Variants in CYP2J2 observed in about 807,000 individuals in gnomAD.
CYP2J2 encodes the protein cytochrome P450 family 2 subfamily J member 2.
Under a neutral mutation model 48.8 loss-of-function variants are expected in CYP2J2, and 41 were observed. The ratio of observed to expected loss-of-function variants is 0.84; its 90% confidence interval spans 0.66 to 1.09. CYP2J2 has a LOEUF of 1.09. CYP2J2 is among the 50% of genes least tolerant of loss of function. The pLI, the probability that CYP2J2 is intolerant of heterozygous loss-of-function variation, is 0.00. For missense variants in CYP2J2, 644 were observed against 617.3 expected, an observed-to-expected ratio of 1.04 and a Z score of -0.46; for synonymous variants, 221 against 227.1, an observed-to-expected ratio of 0.97 and a Z score of 0.24.
chr1:59,953,588 CAAG>C, the CYP2J2 span, among the ~76,000 whole-genome samples: 2 of 151,592 alleles, frequency 1.3e-5, no homozygotes, highest in South Asian at 4.2e-4. Context: ...TAGACATGGC[CAAG>C]AAGATGTGAG....
At position 59,911,633 on chromosome 1, in the gene CYP2J2, T is replaced by C. The variant is rs781317457; in HGVS notation, c.659A>G (p.Tyr220Cys). The C allele has an allele frequency of 1.7e-5, 28 of 1,612,520 alleles. No homozygotes were observed. The highest frequency in any genetic ancestry group is 2.2e-5 in the Non-Finnish European group (26 of 1,179,212). Residue 220 changes from tyrosine (Y) to cysteine (C), a missense_variant, in exon 4 of 9, where the codon TAC becomes TGC. Transcript: ENST00000371204. Reference protein sequence around the residue: ...QLLKLLDEVTYLEASKTCQLY... With the variant: ...QLLKLLDEVTCLEASKTCQLY... ...CTGGCATGTCTTTGAAGCCTCCAAG[T>C]ATGTGACTTCATCTAGTAACTTCAG...
At chr1:59,931,847 T>C in the CYP2J2 span, among the ~76,000 whole-genome samples, 1 of 152,150 alleles carries the variant, frequency 6.6e-6, no homozygotes, top group Non-Finnish European at 1.5e-5. Flanking sequence ...GCAACAATGA[T>C]AATTTCTTAT....
chr1:59,938,766 G>T, the CYP2J2 span, among the ~76,000 whole-genome samples: 8 of 152,168 alleles, frequency 5.3e-5, no homozygotes, highest in Non-Finnish European at 1.2e-4. Flanking sequence ...GTCAGGTCTT[G>T]CCCATCCCAC....
chr1:59,912,572 A>G (rs1351229199), intron 2 of CYP2J2: 2 of 342,372 alleles, frequency 5.8e-6, no homozygotes, highest in East Asian at 1.0e-4. Context: ...AGGTACAATT[A>G]TTACCACCCC....
chr1:59,923,029 G>T (rs1644531623), intron 1 of CYP2J2, among the ~76,000 whole-genome samples: 1 of 152,178 alleles, frequency 6.6e-6, no homozygotes, highest in Non-Finnish European at 1.5e-5. Context: ...AGGAGTCAGA[G>T]GGCAAATTAG....
intron 7 of CYP2J2, among the ~76,000 whole-genome samples, chr1:59,903,693 G>C (rs1291509334): frequency 6.6e-6 from 1 of 152,150 alleles, no homozygotes; most frequent in African/African-American, 2.4e-5. Flanking sequence ...AAAAGAAAGA[G>C]TTCCACTTGT....
At chr1:59,899,428 G>A (rs954362904) in intron 8 of CYP2J2, among the ~76,000 whole-genome samples, 1 of 152,192 alleles carries the variant, frequency 6.6e-6, no homozygotes, top group Non-Finnish European at 1.5e-5. Flanking sequence ...AGCACAGGGG[G>A]AGAGCATGGG....
chr1:59,910,811 A>T (rs1006475033), intron 4 of CYP2J2, among the ~76,000 whole-genome samples: 1 of 152,148 alleles, frequency 6.6e-6, no homozygotes, highest in African/African-American at 2.4e-5. Flanking sequence ...GTGTCTGAGG[A>T]ACCAAGAAAC....
chr1:59,896,514 C>T (rs1441748815), intron 8 of CYP2J2, among the ~76,000 whole-genome samples: 2 of 151,970 alleles, frequency 1.3e-5, no homozygotes, highest in African/African-American at 4.8e-5. Flanking sequence ...AATATATTTA[C>T]TTATTGGATC....
the CYP2J2 span, among the ~76,000 whole-genome samples, chr1:59,956,618 T>A: frequency 6.6e-6 from 1 of 152,160 alleles, no homozygotes; most frequent in African/African-American, 2.4e-5. Flanking sequence ...GCTAATTAAT[T>A]CCAACTTACT....
At chr1:59,908,498 A>G (rs931356943) in intron 5 of CYP2J2, among the ~76,000 whole-genome samples, 1 of 152,192 alleles carries the variant, frequency 6.6e-6, no homozygotes, top group African/African-American at 2.4e-5. Context: ...TTTGAAACTC[A>G]CTGATTCTAC....
the CYP2J2 span, among the ~76,000 whole-genome samples, chr1:59,965,523 G>T: frequency 2.6e-5 from 4 of 152,212 alleles, no homozygotes; most frequent in Non-Finnish European, 4.4e-5. Context: ...CAAAGTTGAC[G>T]ACATGGACTT....
the CYP2J2 span, among the ~76,000 whole-genome samples, chr1:59,933,335 A>G: frequency 6.6e-6 from 1 of 152,228 alleles, no homozygotes. Context: ...AACAAAAACA[A>G]GAGCAATGAG....
At chr1:59,949,202 T>C in the CYP2J2 span, among the ~76,000 whole-genome samples, 1 of 152,210 alleles carries the variant, frequency 6.6e-6, no homozygotes, top group African/African-American at 2.4e-5. Context: ...TATGGGTCCA[T>C]AGAGCACCAC....
intron 2 of CYP2J2, among the ~76,000 whole-genome samples, chr1:59,914,761 C>T (rs1455492360): frequency 6.6e-6 from 1 of 152,158 alleles, no homozygotes; most frequent in Non-Finnish European, 1.5e-5. Context: ...ATGAGAAAGA[C>T]CTGACCGACC....
the CYP2J2 span, among the ~76,000 whole-genome samples, chr1:59,947,466 C>T: frequency 1.3e-5 from 2 of 152,176 alleles, no homozygotes; most frequent in African/African-American, 2.4e-5. Flanking sequence ...ATCTGACGTT[C>T]TCAGCTGAGC....
chr1:59,913,761 C>T (rs11572250), intron 2 of CYP2J2, among the ~76,000 whole-genome samples: 16,725 of 152,284 alleles, frequency 0.11, 1,181 homozygotes, highest in Admixed American at 0.17. Flanking sequence ...AAGTCCCTTG[C>T]TCCTTTTCTT....
At chr1:59,967,558 A>T in the CYP2J2 span, among the ~76,000 whole-genome samples, 1 of 152,196 alleles carries the variant, frequency 6.6e-6, no homozygotes, top group Non-Finnish European at 1.5e-5. Flanking sequence ...TGCCTTCTGC[A>T]GACCAGACTT....
chr1:59,904,938 A>T lies in CYP2J2; in HGVS notation c.1124T>A (p.Ile375Asn), dbSNP rs1644352785. 6.2e-7 allele frequency: 1 copy of T among 1,613,816 alleles called. No individual in the cohort carries two copies. The highest frequency in any genetic ancestry group is 8.5e-7 in the Non-Finnish European group (1 of 1,179,882). The change falls in exon 7 of 9, where the codon ATC becomes AAC. Residue 375 changes from isoleucine (I) to asparagine (N), a missense_variant. Coordinates refer to ENST00000371204, the MANE Select transcript of CYP2J2 (RefSeq NM_000775.4). ...VIHEVQRMGN[I>N]IPLNVPREVT... The stretch of plus-strand genomic sequence containing the variant: ...TTCCCTGGGAACGTTCAGGGGGATG[A>T]TGTTGCCCATTCTCTGCACCTCATG...
Sources: gnomAD v4.1 joint callset for allele counts (sites outside exome capture counted in the v4.1 genomes callset) on GRCh38, gnomAD v4.1.1 for gene constraint, MANE v1.5 for transcripts, NCBI Gene and HGNC (gene_info 2026-07-23, HGNC 2026-07-21) for gene names.